CEACAM1: variants seen among roughly 807,000 people sequenced by gnomAD.
The protein encoded by CEACAM1 is CEA cell adhesion molecule 1.
Under a neutral mutation model 49.1 loss-of-function variants are expected in CEACAM1, and 31 were observed. The observed-to-expected ratio is 0.63, with a 90% CI of 0.47 to 0.85. The LOEUF is 0.85. Ranked by LOEUF, CEACAM1 falls within the 40% of genes least tolerant of loss-of-function variation. The pLI is 0.00. For synonymous variants in CEACAM1, 244 were observed against 247.8 expected (o/e 0.98, Z 0.14); for missense variants, 570 against 645.3 (o/e 0.88, Z 1.26).
intron 1 of CEACAM1, chr19:42,527,601 C>A: frequency 2.9e-6 from 2 of 682,750 alleles, no homozygotes; most frequent in Non-Finnish European, 4.5e-6. Flanking sequence ...TGCCTCTGAC[C>A]TTGTCATTTC....
At chr19:42,512,164 G>T (rs886679255) in intron 6 of CEACAM1, among the ~76,000 whole-genome samples, 186 bp downstream of exon 6, 1 of 152,226 alleles carries the variant, frequency 6.6e-6, no homozygotes, top group African/African-American at 2.4e-5. Flanking sequence ...ATGTCCAAGA[G>T]ATAATGGGAG....
chr19:42,515,130 G>A (rs1257570632), intron 5 of CEACAM1: 13 of 608,884 alleles, frequency 2.1e-5, no homozygotes, highest in Middle Eastern at 2.6e-4. Flanking sequence ...AAATAAATTA[G>A]CCAGATGTGG....
intron 4 of CEACAM1, chr19:42,519,444 C>G (rs1382653151): frequency 1.7e-6 from 1 of 572,584 alleles, no homozygotes; most frequent in Non-Finnish European, 3.1e-6. Context: ...GAGGGCTGCA[C>G]CTCCCTCCTG....
At chr19:42,515,390 T>C (rs536548587) in intron 5 of CEACAM1, among the ~76,000 whole-genome samples, 2 of 152,300 alleles carry the variant, frequency 1.3e-5, no homozygotes, top group East Asian at 3.9e-4. Context: ...TTTATAACTG[T>C]AGGCCAGGTA....
At chr19:42,521,213 A>C in intron 4 of CEACAM1, 54 bp downstream of exon 4, 1 of 1,588,018 alleles carries the variant, frequency 6.3e-7, no homozygotes, top group Non-Finnish European at 8.6e-7. Context: ...CCTATTTGAA[A>C]ACCAGAAAGC....
At chr19:42,524,507 G>A (rs2041840295) in intron 2 of CEACAM1, among the ~76,000 whole-genome samples, 1 of 152,202 alleles carries the variant, frequency 6.6e-6, no homozygotes. Context: ...GCCTCACTGA[G>A]GGACGTGGGG....
At chr19:42,524,555 C>T (rs2041841624) in intron 2 of CEACAM1, among the ~76,000 whole-genome samples, 1 of 152,130 alleles carries the variant, frequency 6.6e-6, no homozygotes, top group Non-Finnish European at 1.5e-5. Flanking sequence ...GGTGGCTGCT[C>T]TGGGCTCATT....
intron 2 of CEACAM1, among the ~76,000 whole-genome samples, chr19:42,523,812 G>A (rs984486748): frequency 6.6e-6 from 1 of 152,220 alleles, no homozygotes; most frequent in Non-Finnish European, 1.5e-5. Context: ...ACCAAGCTCT[G>A]AAGTCCAGTA....
chr19:42,520,048 A>G (rs1488848701), intron 4 of CEACAM1, among the ~76,000 whole-genome samples: 1 of 152,256 alleles, frequency 6.6e-6, no homozygotes. Context: ...CCCACTGTAA[A>G]GAGGAGTTTT....
rs2041372988 is a variant in CEACAM1 at position 42,508,021 on chromosome 19, GAGC to G, written c.*1085_*1087del. 1 of 152,096 alleles carries G rather than the reference GAGC, an allele frequency of 6.6e-6. No homozygotes were observed. Among genetic ancestry groups the G allele is most frequent in the Non-Finnish European group, 1.5e-5 (1 of 68,010 alleles). 9.4% of individuals were successfully genotyped at this position (152,096 alleles called of 1,614,324 possible). A position where few individuals can be genotyped will look rare whatever the true frequency, so the allele number is the denominator to read the frequency against. Reference sequence around the variant, plus strand: ...AAAACCTTTTCTTATTTTCTATTTGGAGCCTCTGACAAAAAAAATCTTGAGAGG... The same window carrying G: ...AAAACCTTTTCTTATTTTCTATTTGGCTCTGACAAAAAAAATCTTGAGAGG... On this transcript the variant is annotated 3_prime_UTR_variant, in exon 9 of 9. Coordinates refer to ENST00000161559, the MANE Select transcript of CEACAM1 (RefSeq NM_001712.5).
chr19:42,523,479 GC>G (rs769552297), intron 2 of CEACAM1, among the ~76,000 whole-genome samples: 31 of 152,216 alleles, frequency 2.0e-4, no homozygotes, highest in Non-Finnish European at 4.0e-4. Flanking sequence ...ACAGGCAGGG[GC>G]TGCCTGGATT....
chr19:42,513,893 CATATAT>C (rs144403954), intron 5 of CEACAM1, among the ~76,000 whole-genome samples: 13 of 104,980 alleles, frequency 1.2e-4, no homozygotes, highest in African/African-American at 4.9e-4. Context: ...CTTCTCCCTC[CATATAT>C]ATATATATAT....
At chr19:42,519,663 G>A (rs992813341) in intron 4 of CEACAM1, among the ~76,000 whole-genome samples, 8 of 150,848 alleles carry the variant, frequency 5.3e-5, no homozygotes, top group East Asian at 2.0e-4. Flanking sequence ...TCTGCCTCCC[G>A]GGTTCAAGCC....
rs2041943354 is a variant in CEACAM1, at chr19:42,528,224, CCT to C, written c.64+85_64+86del. ...TGGCTCCAAGAGAAGCCCTCTGTCC[CCT>C]CTTAGAGCTCCATCCTCCCCAGAGG... On this transcript the variant is annotated intron_variant, in intron 1 of 8. Transcript: ENST00000161559. 3 of 1,157,736 alleles carry C rather than the reference CCT, an allele frequency of 2.6e-6. No individual in the cohort carries two copies. In the South Asian group the frequency reaches 4.1e-5, roughly 16 times the overall value. The allele number at this position is 1,157,736 out of a possible 1,614,324, so 71.7% of individuals were successfully genotyped here.
rs2041454807 is a variant in CEACAM1 at position 42,511,454 on chromosome 19, T to TA, written c.1429+121dup. The TA allele has an allele frequency of 8.2e-6, 7 of 852,222 alleles. No individual in the cohort carries two copies. The East Asian group carries it at 1.7e-4, about 21-fold the overall frequency. The allele number at this position is 852,222 out of a possible 1,614,324, so 52.8% of individuals were successfully genotyped here. A position where few individuals can be genotyped will look rare whatever the true frequency, so the allele number is the denominator to read the frequency against. On this transcript the variant is annotated intron_variant, in intron 7 of 8. Transcript: ENST00000161559. The stretch of plus-strand genomic sequence containing the variant: ...CCTATGCCACCTTAGGGTTGGGAAA[T>TA]AGAGATCCTTTCTGTGAAAATTCAG...
intron 5 of CEACAM1, among the ~76,000 whole-genome samples, chr19:42,513,241 C>CTGTTTTATTCTGAAGTGTGAATGGCTGG (rs1299121383): frequency 1.3e-5 from 2 of 152,164 alleles, no homozygotes; most frequent in Non-Finnish European, 2.9e-5. Flanking sequence ...TTTTGTGTGA[C>CTGTTTTATTCTGAAGTGTGAATGGCTGG]TGTTTTATTC....
intron 2 of CEACAM1, among the ~76,000 whole-genome samples, chr19:42,526,366 T>A (rs1490515538): frequency 6.6e-6 from 1 of 152,156 alleles, no homozygotes; most frequent in Admixed American, 6.5e-5. Context: ...CTGGGGATGG[T>A]AAACTTCCTA....
chr19:42,518,676 A>G, intron 5 of CEACAM1: 1 of 355,660 alleles, frequency 2.8e-6, no homozygotes, highest in Non-Finnish European at 5.2e-6. Context: ...TTTTTTTTGT[A>G]TTTTTAGTAG....
chr19:42,518,865 C>T (rs1225849790), intron 5 of CEACAM1, 83 bp downstream of exon 5: 4 of 1,451,218 alleles, frequency 2.8e-6, no homozygotes, highest in African/African-American at 2.8e-5. Flanking sequence ...GATATTCTGC[C>T]TCCTGTGAGT....
Sources: allele counts gnomAD v4.1 joint callset (sites outside exome capture counted in the v4.1 genomes callset), GRCh38; gene constraint gnomAD v4.1.1; transcripts MANE v1.5; gene names NCBI Gene and HGNC (gene_info 2026-07-23, HGNC 2026-07-21).